Variants in LECT2 observed in about 807,000 individuals in gnomAD.
LECT2 encodes the protein leukocyte cell-derived chemotaxin-2.
A neutral mutation model predicts 16.6 loss-of-function variants in LECT2; 11 were observed. That is an observed-to-expected ratio of 0.66 (90% CI 0.42 to 1.09). The LOEUF (loss-of-function observed/expected upper bound fraction) is 1.09, where lower values mean the gene tolerates loss of function less well. LECT2 is among the 50% of genes least tolerant of loss of function. The probability of loss-of-function intolerance (pLI) is 0.00; values close to 1 mark genes in which losing one functional copy is unlikely to be tolerated. For missense variants in LECT2, 173 were observed against 184.2 expected, an observed-to-expected ratio of 0.94 and a Z score of 0.35; for synonymous variants, 54 against 64.8, an observed-to-expected ratio of 0.83 and a Z score of 0.80.
At chr5:135,954,684 T>G (rs1227548907) in intron 1 of LECT2, 104 bp downstream of exon 1, 6 of 795,678 alleles carry the variant, frequency 7.5e-6, no homozygotes, top group Middle Eastern at 4.6e-4. Flanking sequence ...TACACAAGTC[T>G]TTGTTGTGAT....
In LECT2 at chr5:135,947,199, G is replaced by A. The variant is rs916506083; in HGVS notation, c.*132C>T. The A allele has an allele frequency of 3.9e-6, 3 of 773,120 alleles. No homozygotes were observed. The highest frequency in any genetic ancestry group is 6.3e-6 in the Non-Finnish European group (3 of 473,386). 47.9% of individuals were successfully genotyped at this position (773,120 alleles called of 1,614,324 possible). On this transcript the variant is annotated 3_prime_UTR_variant, in exon 4 of 4. Transcript: ENST00000274507. Reference sequence around the variant, plus strand: ...CAGGCATGCAATGTGTAATAATCATGTCATGGAAAATGGGGTATCCATCCC... The same window carrying A: ...CAGGCATGCAATGTGTAATAATCATATCATGGAAAATGGGGTATCCATCCC...
In LECT2 at chr5:135,948,011, G is replaced by A. The variant is rs571520986; in HGVS notation, c.290-514C>T. Among the ~76,000 whole-genome samples, 7 of 152,312 alleles carry A rather than the reference G, an allele frequency of 4.6e-5. No homozygotes were observed. The East Asian group carries it at 7.7e-4, about 17-fold the overall frequency. ...CTATTAAAAGATGTCCCATTGGGTT[G>A]AAAAGCAAACCCCAATTGAATGCTG... On this transcript the variant is annotated intron_variant, in intron 3 of 3. Coordinates refer to ENST00000274507, the MANE Select transcript of LECT2 (RefSeq NM_002302.3).
At chr5:135,949,678 C>T (rs1763763807) in intron 3 of LECT2, among the ~76,000 whole-genome samples, 1 of 152,232 alleles carries the variant, frequency 6.6e-6, no homozygotes, top group African/African-American at 2.4e-5. Flanking sequence ...AGGACCCTTA[C>T]GCAAAAGGAC....
At chr5:135,947,555 T>TA (rs1763722744) in intron 3 of LECT2, 58 bp from the exon 4 acceptor site, 1 of 1,413,324 alleles carries the variant, frequency 7.1e-7, no homozygotes, top group Non-Finnish European at 9.4e-7. Context: ...AATCTGAAAT[T>TA]AAAAAAATAA....
intron 3 of LECT2, among the ~76,000 whole-genome samples, chr5:135,950,118 C>T (rs1235947590): frequency 6.6e-6 from 1 of 152,164 alleles, no homozygotes; most frequent in African/African-American, 2.4e-5. Context: ...TCTGGACTCA[C>T]TCCCAATAGG....
At chr5:135,953,263 G>A (rs189164853) in intron 1 of LECT2, 8 of 288,034 alleles carry the variant, frequency 2.8e-5, no homozygotes, top group Middle Eastern at 1.1e-3. Flanking sequence ...GCACAGTGGC[G>A]TGATCTCAGC....
At chr5:135,947,821 TAGAA>T (rs372256189) in intron 3 of LECT2, among the ~76,000 whole-genome samples, 155 of 151,784 alleles carry the variant, frequency 1.0e-3, no homozygotes, top group African/African-American at 3.6e-3. Flanking sequence ...TAAAGAAAAA[TAGAA>T]ATAACTGGAA....
At chr5:135,951,123 T>G in intron 3 of LECT2, 100 bp downstream of exon 3, 4 of 1,184,906 alleles carry the variant, frequency 3.4e-6, no homozygotes, top group Non-Finnish European at 3.7e-6. Flanking sequence ...TTTTATCATT[T>G]TGAAAGAAGT....
intron 1 of LECT2, among the ~76,000 whole-genome samples, chr5:135,954,159 T>C (rs545443735): frequency 6.6e-6 from 1 of 152,260 alleles, no homozygotes; most frequent in Non-Finnish European, 1.5e-5. Flanking sequence ...TTACTCTTCA[T>C]TAATACCTAT....
In LECT2 at chr5:135,951,435, T is replaced by A. The variant is rs2073616; in HGVS notation, c.144-67A>T. On this transcript the variant is annotated intron_variant, in intron 2 of 3. Coordinates refer to ENST00000274507, the MANE Select transcript of LECT2 (RefSeq NM_002302.3). ...AGGGGAGCTTTACTGCCTGGGAACA[T>A]GGTGTTAGCCCACTGTTTGCAGACG... 1.8e-3 allele frequency: 2,671 copies of A among 1,455,902 alleles called. 92 individuals carry two copies. In the East Asian group the frequency reaches 0.055, roughly 30 times the overall value. 90.2% of individuals were successfully genotyped at this position (1,455,902 alleles called of 1,614,324 possible).
chr5:135,954,204 G>A (rs565731976), intron 1 of LECT2, among the ~76,000 whole-genome samples: 2 of 152,310 alleles, frequency 1.3e-5, no homozygotes, highest in East Asian at 3.9e-4. Context: ...TGGCCATTAA[G>A]CCTCTTCTTT....
At chr5:135,952,745 G>A in intron 2 of LECT2, 126 bp downstream of exon 2, 1 of 650,224 alleles carries the variant, frequency 1.5e-6, no homozygotes, top group Non-Finnish European at 2.8e-6. Flanking sequence ...TGATGTAACT[G>A]GTTACATCTC....
chr5:135,953,824 T>C (rs764140661), intron 1 of LECT2, among the ~76,000 whole-genome samples: 4 of 152,160 alleles, frequency 2.6e-5, no homozygotes, highest in Non-Finnish European at 5.9e-5. Context: ...TTCTTAAAAA[T>C]AATCTGAAAT....
chr5:135,951,051 A>G, intron 3 of LECT2, 172 bp downstream of exon 3: 1 of 640,100 alleles, frequency 1.6e-6, no homozygotes, highest in Non-Finnish European at 2.7e-6. Context: ...AACCTAAAAT[A>G]AAAGTTTTTT....
intron 3 of LECT2, among the ~76,000 whole-genome samples, chr5:135,949,613 C>G (rs188845925): frequency 6.6e-6 from 1 of 152,314 alleles, no homozygotes; most frequent in East Asian, 1.9e-4. Flanking sequence ...CGTTGCAGGT[C>G]CCTTTGGGGA....
At position 135,954,885 on chromosome 5, in the gene LECT2, C is replaced by G. The variant is rs1561586608; in HGVS notation, c.-52G>C. ...CTCTGATTAGAGTTGCCCCCACACT[C>G]TCTTTGAAGAATATTCAAGTTTGAA... On this transcript the variant is annotated 5_prime_UTR_variant, in exon 1 of 4. Transcript: ENST00000274507. 1 of 1,299,856 alleles carries G rather than the reference C, an allele frequency of 7.7e-7. No homozygotes were observed. Among genetic ancestry groups the G allele is most frequent in the East Asian group, 2.3e-5 (1 of 43,366 alleles). The allele number at this position is 1,299,856 out of a possible 1,614,324, so 80.5% of individuals were successfully genotyped here.
rs764664589 is a variant in LECT2, at chr5:135,954,825, G to A, written c.9C>T (p.Ser3=). The A allele has an allele frequency of 5.6e-6, 9 of 1,612,674 alleles. No homozygotes were observed. The highest frequency in any genetic ancestry group is 7.6e-6 in the Non-Finnish European group (9 of 1,178,758). The change falls in exon 1 of 4, where the codon TCC becomes TCT. Residue 3 remains serine (S), a synonymous_variant. Transcript: ENST00000274507. ...GACCAGCCAAAAGGAGGGCTTTGGT[G>A]GAAAACATCTGGTTTTACTTCCTTT... MF[S]TKALLLAGLI... is the part of the protein sequence containing the mutation.
At chr5:135,948,673 AT>A (rs1217954478) in intron 3 of LECT2, among the ~76,000 whole-genome samples, 1 of 147,986 alleles carries the variant, frequency 6.8e-6, no homozygotes, top group African/African-American at 2.5e-5. Flanking sequence ...AATAATAATA[AT>A]TATTATTATT....
rs755960769 is a variant in LECT2 at position 135,951,164 on chromosome 5, A to C, written c.289+59T>G. The C allele has an allele frequency of 4.0e-6, 6 of 1,508,976 alleles. No homozygotes were observed. The African/African-American group carries it at 8.3e-5, about 21-fold the overall frequency. 93.5% of individuals were successfully genotyped at this position (1,508,976 alleles called of 1,614,324 possible). On this transcript the variant is annotated intron_variant, in intron 3 of 3. Transcript: ENST00000274507. Reference sequence around the variant, plus strand: ...ATCTCTACGTATGGAACCTGCATTAAATAAATGAGCATCAACATCTCCAGG... The same window carrying C: ...ATCTCTACGTATGGAACCTGCATTACATAAATGAGCATCAACATCTCCAGG...
Sources: gnomAD v4.1 joint callset for allele counts (sites outside exome capture counted in the v4.1 genomes callset) on GRCh38, gnomAD v4.1.1 for gene constraint, MANE v1.5 for transcripts, NCBI Gene and HGNC (gene_info 2026-07-23, HGNC 2026-07-21) for gene names.